The following NCOA7 variants were observed in gnomAD, a reference collection of about 807,000 sequenced individuals.
NCOA7 encodes the protein 140 kDa estrogen receptor-associated protein.
NCOA7 carries 45 observed loss-of-function variants against 104.3 expected under a neutral mutation model. The ratio of observed to expected loss-of-function variants is 0.43; its 90% CI spans 0.34 to 0.55. The LOEUF (loss-of-function observed/expected upper bound fraction) is 0.55. NCOA7 is among the 20% of genes least tolerant of loss of function. The pLI is 0.02. For missense variants in NCOA7, 1,041 were observed against 1,119.7 expected (o/e 0.93, Z 1.00); for synonymous variants, 398 against 402.3 (o/e 0.99, Z 0.13).
intron 2 of NCOA7, among the ~76,000 whole-genome samples, chr6:125,845,598 A>G (rs1289256298): frequency 6.6e-6 from 1 of 152,064 alleles, no homozygotes; most frequent in East Asian, 1.9e-4. Context: ...ACATGGTGAA[A>G]CCCCATCTCT....
chr6:125,811,430 T>C (rs1776994118), intron 1 of NCOA7, among the ~76,000 whole-genome samples: 2 of 152,216 alleles, frequency 1.3e-5, no homozygotes, highest in South Asian at 2.1e-4. Flanking sequence ...TGAAATGCTG[T>C]TGTCACACAG....
chr6:125,871,873 C>T (rs1011471752), intron 3 of NCOA7, among the ~76,000 whole-genome samples: 4 of 151,816 alleles, frequency 2.6e-5, no homozygotes, highest in South Asian at 4.2e-4. Flanking sequence ...GGCATGAGCC[C>T]GTAGTCCCAG....
At chr6:125,900,859 T>G (rs1392680934) in intron 10 of NCOA7, among the ~76,000 whole-genome samples, 1 of 152,014 alleles carries the variant, frequency 6.6e-6, no homozygotes, top group African/African-American at 2.4e-5. Context: ...TAATTTGGAG[T>G]TTTAGAATAC....
intron 1 of NCOA7, among the ~76,000 whole-genome samples, chr6:125,804,440 A>G (rs1776222631): frequency 1.3e-5 from 2 of 152,190 alleles, no homozygotes; most frequent in African/African-American, 4.8e-5. Flanking sequence ...ACAGGTAATC[A>G]AAAGCATGTC....
intron 10 of NCOA7, among the ~76,000 whole-genome samples, chr6:125,901,070 A>G (rs769106113): frequency 3.3e-5 from 5 of 152,216 alleles, no homozygotes; most frequent in Non-Finnish European, 7.3e-5. Context: ...CATGCATTTG[A>G]ATAATTTATG....
chr6:125,913,896 T>G (rs184515568), intron 10 of NCOA7, among the ~76,000 whole-genome samples: 46 of 152,314 alleles, frequency 3.0e-4, no homozygotes, highest in African/African-American at 1.0e-3. Flanking sequence ...TGAAAAATGT[T>G]CAAGCCCTTA....
intron 1 of NCOA7, among the ~76,000 whole-genome samples, chr6:125,801,958 A>T (rs1416805212): frequency 6.6e-6 from 1 of 152,192 alleles, no homozygotes; most frequent in Admixed American, 6.5e-5. Flanking sequence ...TTACGTATAG[A>T]TATACCAAGA....
intron 11 of NCOA7, chr6:125,919,132 G>A (rs1448112035): frequency 8.8e-6 from 9 of 1,017,780 alleles, no homozygotes; most frequent in African/African-American, 4.8e-5. Context: ...GTCTCACAGC[G>A]ATGCCTGGCA....
rs115220424 is a variant in NCOA7 at position 125,835,807 on chromosome 6, G to A, written c.51-19213G>A. 2.0e-3 allele frequency among the ~76,000 whole-genome samples: 311 copies of A among 152,308 alleles called. 2 individuals carry two copies. The highest frequency in any genetic ancestry group is 6.7e-3 in the African/African-American group (279 of 41,574). On this transcript the variant is annotated intron_variant, in intron 2 of 15. Transcript: ENST00000392477. ...GGTATTACAGAATAAGGAATAGATT[G>A]TAGGGAGGCCATTGAAATCTACTGC...
chr6:125,881,296 G>A, intron 6 of NCOA7, 93 bp downstream of exon 6: 1 of 909,450 alleles, frequency 1.1e-6, no homozygotes, highest in Non-Finnish European at 1.8e-6. Flanking sequence ...GATTACATCT[G>A]AAATTCTCCC....
At chr6:125,928,595 A>G in intron 15 of NCOA7, 41 bp from the exon 16 acceptor site, 1 of 1,577,244 alleles carries the variant, frequency 6.3e-7, no homozygotes, top group South Asian at 1.2e-5. Context: ...CATGTAACAT[A>G]GAAGTGTTTT....
At chr6:125,878,241 C>G (rs1365020171) in intron 4 of NCOA7, 22 bp from the exon 5 acceptor site, 1 of 1,563,652 alleles carries the variant, frequency 6.4e-7, no homozygotes, top group Non-Finnish European at 8.7e-7. Context: ...TTTATTGACT[C>G]TTACCTGTTT....
chr6:125,915,278 C>T (rs1786957442), intron 10 of NCOA7, 55 bp from the exon 11 acceptor site: 2 of 1,602,492 alleles, frequency 1.2e-6, no homozygotes, highest in Non-Finnish European at 1.7e-6. Flanking sequence ...TCCACACTAG[C>T]ACCTGCCAAG....
At chr6:125,832,095 G>A (rs2128593100) in intron 2 of NCOA7, among the ~76,000 whole-genome samples, 1 of 152,266 alleles carries the variant, frequency 6.6e-6, no homozygotes, top group South Asian at 2.1e-4. Flanking sequence ...AGTGTTATCT[G>A]CTCTATACTT....
intron 3 of NCOA7, among the ~76,000 whole-genome samples, chr6:125,856,693 AC>A (rs1781592459): frequency 6.6e-6 from 1 of 151,426 alleles, no homozygotes. Context: ...GTGTTGGAAG[AC>A]ATATGGCATG....
At chr6:125,917,818 G>A (rs1787213527) in intron 11 of NCOA7, among the ~76,000 whole-genome samples, 1 of 152,238 alleles carries the variant, frequency 6.6e-6, no homozygotes. Flanking sequence ...TTTGATTAGT[G>A]TGCACTGAAT....
intron 1 of NCOA7, among the ~76,000 whole-genome samples, chr6:125,783,649 G>C (rs1044753795): frequency 6.6e-6 from 1 of 152,116 alleles, no homozygotes; most frequent in African/African-American, 2.4e-5. Flanking sequence ...ACTGGCTCCT[G>C]TGTTCTTTTG....
At chr6:125,828,903 A>C (rs538430691) in intron 2 of NCOA7, among the ~76,000 whole-genome samples, 25 of 152,236 alleles carry the variant, frequency 1.6e-4, no homozygotes, top group African/African-American at 5.1e-4. Context: ...GGAGTGGTTT[A>C]ATAACTCCCC....
At chr6:125,914,139 AG>A (rs1786833961) in intron 10 of NCOA7, among the ~76,000 whole-genome samples, 1 of 152,228 alleles carries the variant, frequency 6.6e-6, no homozygotes, top group African/African-American at 2.4e-5. Flanking sequence ...CCATAGTGAA[AG>A]GCCTACACTG....
Sources: allele counts gnomAD v4.1 joint callset (sites outside exome capture counted in the v4.1 genomes callset), GRCh38; gene constraint gnomAD v4.1.1; transcripts MANE v1.5; gene names NCBI Gene and HGNC (gene_info 2026-07-23, HGNC 2026-07-21).